OPCML: variants seen among roughly 807,000 people sequenced by gnomAD.
OPCML encodes the protein opioid binding protein/cell adhesion molecule like.
OPCML carries 13 observed loss-of-function variants against 37.8 expected under a neutral mutation model. The ratio of observed to expected loss-of-function variants is 0.34; its 90% confidence interval spans 0.22 to 0.55. OPCML has a LOEUF of 0.55. OPCML is among the 20% of genes least tolerant of loss of function. OPCML has a pLI of 0.91. For synonymous variants in OPCML, 176 were observed against 168.8 expected (o/e 1.04, Z -0.33); for missense variants, 341 against 435.6 (o/e 0.78, Z 1.93).
intron 2 of OPCML, among the ~76,000 whole-genome samples, chr11:132,793,439 C>A (rs188272735): frequency 1.3e-5 from 2 of 152,260 alleles, no homozygotes; most frequent in East Asian, 1.9e-4. Context: ...GGGCAGGAAC[C>A]TCTTAAGGCC....
chr11:133,234,203 ATTTTG>A (rs1940411846), intron 1 of OPCML, among the ~76,000 whole-genome samples: 1 of 152,028 alleles, frequency 6.6e-6, no homozygotes, highest in African/African-American at 2.4e-5. Context: ...CATTTTTAAA[ATTTTG>A]TTTTGTTTTC....
intron 1 of OPCML, among the ~76,000 whole-genome samples, chr11:133,179,071 G>A (rs563072095): frequency 6.6e-6 from 1 of 152,064 alleles, no homozygotes; most frequent in Admixed American, 6.6e-5. Flanking sequence ...CCTGCTGGCT[G>A]TCAGGCTAGA....
intron 1 of OPCML, among the ~76,000 whole-genome samples, chr11:133,357,016 T>C (rs1033708166): frequency 2.0e-5 from 3 of 152,204 alleles, no homozygotes; most frequent in Non-Finnish European, 4.4e-5. Flanking sequence ...AGAGATGTAC[T>C]GAGAAAGTAG....
intron 2 of OPCML, among the ~76,000 whole-genome samples, chr11:132,889,160 T>C (rs1051454539): frequency 6.6e-6 from 1 of 152,200 alleles, no homozygotes; most frequent in African/African-American, 2.4e-5. Context: ...TTTAAAGAGA[T>C]CTCAAGGACA....
chr11:132,522,687 C>T (rs547191995), intron 4 of OPCML, among the ~76,000 whole-genome samples: 6 of 152,246 alleles, frequency 3.9e-5, no homozygotes, highest in South Asian at 2.1e-4. Context: ...TGAGATAAAT[C>T]GACATTTCGA....
intron 2 of OPCML, among the ~76,000 whole-genome samples, chr11:132,891,386 T>C (rs576510912): frequency 1.3e-5 from 2 of 152,298 alleles, no homozygotes; most frequent in East Asian, 3.9e-4. Context: ...TGCCCAGGAC[T>C]CCGTATTATT....
intron 2 of OPCML, among the ~76,000 whole-genome samples, chr11:132,751,938 A>G (rs1204697611): frequency 6.6e-6 from 1 of 152,234 alleles, no homozygotes; most frequent in Admixed American, 6.5e-5. Flanking sequence ...GCAAAGCCCA[A>G]TAACACTATC....
chr11:132,982,180 C>T (rs1946602466), intron 1 of OPCML, among the ~76,000 whole-genome samples: 1 of 152,138 alleles, frequency 6.6e-6, no homozygotes. Context: ...GCCTTTGCTG[C>T]TAATATTCCC....
intron 3 of OPCML, among the ~76,000 whole-genome samples, chr11:132,610,946 G>T (rs749323563): frequency 1.3e-5 from 2 of 152,158 alleles, no homozygotes; most frequent in Non-Finnish European, 2.9e-5. Flanking sequence ...CCCAGTTAAA[G>T]CCCCATGGTG....
intron 1 of OPCML, among the ~76,000 whole-genome samples, chr11:133,151,070 C>G (rs983956403): frequency 1.1e-4 from 17 of 151,614 alleles, no homozygotes; most frequent in African/African-American, 4.1e-4. Context: ...GTCAGGAGTT[C>G]GAGACCAGCC....
At chr11:132,566,223 A>C (rs1161772103) in intron 3 of OPCML, among the ~76,000 whole-genome samples, 1 of 152,224 alleles carries the variant, frequency 6.6e-6, no homozygotes, top group Non-Finnish European at 1.5e-5. Context: ...TTTTCTGTTT[A>C]ATCTTTTATG....
At chr11:133,122,495 G>T (rs1337468907) in intron 1 of OPCML, among the ~76,000 whole-genome samples, 3 of 152,102 alleles carry the variant, frequency 2.0e-5, no homozygotes. Flanking sequence ...GGAGGCCTCT[G>T]ATTTCTGGTT....
intron 3 of OPCML, among the ~76,000 whole-genome samples, chr11:132,595,330 G>C (rs375405845): frequency 6.6e-6 from 1 of 152,168 alleles, no homozygotes; most frequent in South Asian, 2.1e-4. Context: ...AGAAATGATA[G>C]TGGAATGGAA....
At chr11:132,519,957 C>T (rs1031329051) in intron 4 of OPCML, among the ~76,000 whole-genome samples, 5 of 152,054 alleles carry the variant, frequency 3.3e-5, no homozygotes, top group Admixed American at 6.5e-5. Context: ...AGAGAAATGA[C>T]GTTGGGAAGT....
At chr11:133,306,620 T>C (rs1942926640) in intron 1 of OPCML, among the ~76,000 whole-genome samples, 1 of 152,178 alleles carries the variant, frequency 6.6e-6, no homozygotes, top group Admixed American at 6.5e-5. Context: ...GAAAATGTTA[T>C]ATAACTGTAC....
intron 1 of OPCML, among the ~76,000 whole-genome samples, chr11:133,456,905 T>C (rs188588561): frequency 6.6e-6 from 1 of 151,854 alleles, no homozygotes; most frequent in Non-Finnish European, 1.5e-5. Context: ...ATATATACTA[T>C]CAGAGTCCCA....
intron 1 of OPCML, among the ~76,000 whole-genome samples, chr11:133,070,496 A>C (rs1020852129): frequency 5.9e-5 from 9 of 152,178 alleles, no homozygotes; most frequent in Admixed American, 6.5e-5. Flanking sequence ...TGATGGCCAG[A>C]GGCGGGCCCA....
intron 1 of OPCML, among the ~76,000 whole-genome samples, chr11:133,461,528 A>C (rs1946858341): frequency 6.6e-6 from 1 of 151,984 alleles, no homozygotes; most frequent in African/African-American, 2.4e-5. Context: ...GAATAAACTT[A>C]ACTATTAAAG....
chr11:133,005,646 G>GAA lies in OPCML; in HGVS notation c.62-62638_62-62637dup, dbSNP rs112146953. On this transcript the variant is annotated intron_variant, in intron 1 of 7. Coordinates refer to ENST00000524381, the MANE Select transcript of OPCML (RefSeq NM_001012393.5). ...CCTTTCTGATGGCTCAGCCATCCAA[G>GAA]AAAAAAAAACTGTTATGCATGGATA... The GAA allele has an allele frequency of 7.4e-4, 719 of 976,622 alleles. 1 individual carries two copies. In the African/African-American group the frequency reaches 8.3e-3, roughly 11 times the overall value. The allele number at this position is 976,622 out of a possible 1,614,324, so 60.5% of individuals were successfully genotyped here.
Sources: gnomAD v4.1 joint callset for allele counts (sites outside exome capture counted in the v4.1 genomes callset) on GRCh38, gnomAD v4.1.1 for gene constraint, MANE v1.5 for transcripts, NCBI Gene and HGNC (gene_info 2026-07-23, HGNC 2026-07-21) for gene names.